The following EYS variants were observed in gnomAD, a reference collection of about 807,000 sequenced individuals.
EYS encodes the protein protein eyes shut homolog.
Under a neutral mutation model 282.1 loss-of-function variants are expected in EYS, and 250 were observed. That is an observed-to-expected ratio of 0.89 (90% CI 0.80 to 0.98). The LOEUF (loss-of-function observed/expected upper bound fraction) is 0.98, where lower values mean the gene tolerates loss of function less well. Among genes scored for constraint, EYS ranks in the 50% least tolerant of loss-of-function variants. The pLI, the probability that EYS is intolerant of heterozygous loss-of-function variation, is 0.00. For synonymous variants in EYS, 1,355 were observed against 1,282.9 expected (o/e 1.06, Z -1.20); for missense variants, 4,016 against 3,709.0 (o/e 1.08, Z -2.15).
chr6:64,183,907 T>G (rs1764856653), intron 31 of EYS, among the ~76,000 whole-genome samples: 1 of 152,144 alleles, frequency 6.6e-6, no homozygotes, highest in Non-Finnish European at 1.5e-5. Context: ...ACTTCTTTTC[T>G]TTTTTTAAAA....
At chr6:63,930,669 A>G (rs754220018) in intron 35 of EYS, among the ~76,000 whole-genome samples, 5 of 152,236 alleles carry the variant, frequency 3.3e-5, no homozygotes, top group Non-Finnish European at 5.9e-5. Flanking sequence ...AAGGTATGTC[A>G]AAACTTCATC....
At chr6:63,840,538 T>G (rs1337650681) in intron 36 of EYS, among the ~76,000 whole-genome samples, 1 of 152,180 alleles carries the variant, frequency 6.6e-6, no homozygotes, top group Non-Finnish European at 1.5e-5. Flanking sequence ...ATCTTTTAGT[T>G]TGATCGAATC....
chr6:65,009,433 C>A (rs2150132314), intron 13 of EYS, among the ~76,000 whole-genome samples: 1 of 152,226 alleles, frequency 6.6e-6, no homozygotes, highest in South Asian at 2.1e-4. Context: ...CTCTGCTTTC[C>A]CAAATACCGG....
chr6:63,999,179 T>A lies in EYS; in HGVS notation c.6730A>T (p.Thr2244Ser). The change falls in exon 34 of 43, where the codon ACA becomes TCA. Residue 2244 changes from threonine (T) to serine (S), a missense_variant. Coordinates refer to ENST00000503581, the MANE Select transcript of EYS (RefSeq NM_001142800.2). ...ACTCCAGGGCTGCCAACAGGCGTTGTGTAGCTAAACGTAAAACAGAAGAGG... is the reference window on the plus strand; with the variant it reads ...ACTCCAGGGCTGCCAACAGGCGTTGAGTAGCTAAACGTAAAACAGAAGAGG... ...NAFTPITIRYTTPVGSPGVVC... is the reference protein window; with the variant it reads ...NAFTPITIRYSTPVGSPGVVC... 1 of 1,550,684 alleles carries A rather than the reference T, an allele frequency of 6.4e-7. No homozygotes were observed. Among genetic ancestry groups the A allele is most frequent in the Non-Finnish European group, 8.7e-7 (1 of 1,146,120 alleles).
chr6:65,066,300 T>C (rs1773744870), intron 12 of EYS, among the ~76,000 whole-genome samples: 1 of 152,202 alleles, frequency 6.6e-6, no homozygotes, highest in Non-Finnish European at 1.5e-5. Context: ...CATGTAAAAA[T>C]TATCTTTGAT....
At chr6:64,589,307 C>T (rs962822072) in intron 26 of EYS, among the ~76,000 whole-genome samples, 1 of 151,912 alleles carries the variant, frequency 6.6e-6, no homozygotes, top group Admixed American at 6.6e-5. Flanking sequence ...AAATTACACA[C>T]CTAAAACCTT....
Position 65,296,045 on chromosome 6 carries a change from A to G in EYS, c.1841T>C (p.Ile614Thr). The G allele has an allele frequency of 6.4e-7, 1 of 1,551,004 alleles. No homozygotes were observed. Among genetic ancestry groups the G allele is most frequent in the South Asian group, 1.2e-5 (1 of 84,028 alleles). The change falls in exon 12 of 43, where the codon ATA becomes ACA. Residue 614 changes from isoleucine (I) to threonine (T), a missense_variant. Physicochemically the swap from Ile to Thr is moderately conservative, Grantham distance 89. Coordinates refer to ENST00000503581, the MANE Select transcript of EYS (RefSeq NM_001142800.2). ...GGCCAGGCAGAGGCCATGCACTGAT[A>G]TACTGTGGTTCCCTAAGCAATAGTC... ...NVDYCLGNHS[I>T]SVHGLCLALS... is the part of the protein sequence containing the mutation.
chr6:65,608,704 C>CT (rs1765888982), intron 2 of EYS, among the ~76,000 whole-genome samples: 1 of 151,924 alleles, frequency 6.6e-6, no homozygotes, highest in Non-Finnish European at 1.5e-5. Flanking sequence ...ATTATAGAAG[C>CT]TTTTTCCTTT....
chr6:65,419,492 T>G (rs926988992), intron 5 of EYS, among the ~76,000 whole-genome samples: 2 of 151,874 alleles, frequency 1.3e-5, no homozygotes, highest in African/African-American at 4.8e-5. Context: ...ACATTGAGCC[T>G]AAATTTTGAT....
chr6:65,511,022 T>A (rs1166024267), intron 2 of EYS, among the ~76,000 whole-genome samples: 1 of 152,222 alleles, frequency 6.6e-6, no homozygotes, highest in African/African-American at 2.4e-5. Context: ...GAATAGGAAT[T>A]ACTTTCTCAC....
intron 26 of EYS, among the ~76,000 whole-genome samples, chr6:64,579,194 A>G (rs1582915968): frequency 6.6e-6 from 1 of 152,212 alleles, no homozygotes; most frequent in Admixed American, 6.5e-5. Flanking sequence ...GCCTTTCTCA[A>G]TACCTGGAGT....
chr6:65,598,703 A>C (rs1012558191), intron 2 of EYS, among the ~76,000 whole-genome samples: 1 of 152,102 alleles, frequency 6.6e-6, no homozygotes, highest in Non-Finnish European at 1.5e-5. Flanking sequence ...CAGGCTTTCC[A>C]GTACATTGTC....
At chr6:64,314,130 G>T (rs1769837693) in intron 29 of EYS, among the ~76,000 whole-genome samples, 1 of 137,010 alleles carries the variant, frequency 7.3e-6, no homozygotes, top group African/African-American at 2.7e-5. Context: ...CCCATTTCAT[G>T]TGCAGAGACA....
chr6:65,618,342 G>A (rs354378), intron 2 of EYS, among the ~76,000 whole-genome samples: 129,442 of 152,114 alleles, frequency 0.85, 54,527 homozygotes, highest in East Asian at 0.97. Context: ...TCGGCTGCAT[G>A]AATGTCTTCT....
At chr6:64,582,901 T>A (rs1449811187) in intron 26 of EYS, among the ~76,000 whole-genome samples, 1 of 152,162 alleles carries the variant, frequency 6.6e-6, no homozygotes, top group African/African-American at 2.4e-5. Context: ...GCCAGGATTT[T>A]ACTTCTGATC....
intron 11 of EYS, among the ~76,000 whole-genome samples, chr6:65,319,629 G>A (rs1017361261): frequency 3.3e-5 from 5 of 152,068 alleles, no homozygotes; most frequent in African/African-American, 1.2e-4. Context: ...TATAATCATG[G>A]AACATTCTCT....
intron 31 of EYS, among the ~76,000 whole-genome samples, chr6:64,109,277 C>G (rs1773130910): frequency 6.6e-6 from 1 of 152,036 alleles, no homozygotes; most frequent in Non-Finnish European, 1.5e-5. Flanking sequence ...TTTTTCCTCA[C>G]TCTACTAATA....
chr6:63,867,379 T>A (rs1283520835), intron 35 of EYS, among the ~76,000 whole-genome samples: 1 of 152,170 alleles, frequency 6.6e-6, no homozygotes, highest in African/African-American at 2.4e-5. Context: ...AGAAACCTTT[T>A]TTTGGAAATT....
intron 12 of EYS, among the ~76,000 whole-genome samples, chr6:65,213,414 C>T (rs991494204): frequency 6.6e-6 from 1 of 152,164 alleles, no homozygotes; most frequent in Admixed American, 6.5e-5. Context: ...CTTGCAGATG[C>T]TGAGTTTTTG....
Sources: gnomAD v4.1 joint callset for allele counts (sites outside exome capture counted in the v4.1 genomes callset) on GRCh38, gnomAD v4.1.1 for gene constraint, MANE v1.5 for transcripts, NCBI Gene and HGNC (gene_info 2026-07-23, HGNC 2026-07-21) for gene names.